DCAKD: variants seen among roughly 807,000 people sequenced by gnomAD.
DCAKD encodes dephospho-CoA kinase domain containing, also known as dephospho-CoA kinase domain-containing protein.
DCAKD carries 15 observed loss-of-function variants against 18.7 expected under a neutral mutation model. That is an observed-to-expected ratio of 0.80 (90% CI 0.54 to 1.24). DCAKD has a LOEUF of 1.24. Among genes scored for constraint, DCAKD ranks in the 50% most tolerant of loss-of-function variants. The pLI is 0.00. For missense variants in DCAKD, 301 were observed against 322.0 expected (o/e 0.93, Z 0.50); for synonymous variants, 130 against 133.0 (o/e 0.98, Z 0.16).
At chr17:45,048,030 T>C (rs1291557655) in intron 1 of DCAKD, among the ~76,000 whole-genome samples, 1 of 152,136 alleles carries the variant, frequency 6.6e-6, no homozygotes, top group East Asian at 1.9e-4. Context: ...TTAAAAAAGT[T>C]TTAATTTTGT....
At chr17:45,057,569 G>A (rs1204319686) in intron 1 of DCAKD, among the ~76,000 whole-genome samples, 1 of 151,632 alleles carries the variant, frequency 6.6e-6, no homozygotes, top group Admixed American at 6.6e-5. Context: ...TGGGCATGGC[G>A]GTGTGTGCCT....
intron 1 of DCAKD, among the ~76,000 whole-genome samples, chr17:45,044,408 G>A (rs2053515176): frequency 6.6e-6 from 1 of 152,204 alleles, no homozygotes; most frequent in African/African-American, 2.4e-5. Context: ...GCTGTGGCAA[G>A]CGGATGGGTG....
chr17:45,034,470 G>A, intron 2 of DCAKD, 80 bp from the exon 3 acceptor site: 1 of 1,509,730 alleles, frequency 6.6e-7, no homozygotes, highest in Non-Finnish European at 9.1e-7. Flanking sequence ...GGGGCAAAAT[G>A]ATGGGGGAAC....
At chr17:45,031,535 C>A in intron 3 of DCAKD, 1 of 985,270 alleles carries the variant, frequency 1.0e-6, no homozygotes, top group Non-Finnish European at 1.2e-6. Flanking sequence ...TCGCTAGGTG[C>A]CCCAAAATGA....
At chr17:45,054,420 A>C (rs916239380), upstream of DCAKD, among the ~76,000 whole-genome samples, 1 of 151,636 alleles carries the variant, frequency 6.6e-6, no homozygotes, top group African/African-American at 2.4e-5. Context: ...GCTAATTTTT[A>C]CATTTTTAGT....
intron 1 of DCAKD, among the ~76,000 whole-genome samples, chr17:45,057,146 C>T (rs762388947): frequency 2.2e-4 from 33 of 152,032 alleles, no homozygotes; most frequent in Non-Finnish European, 4.3e-4. Context: ...TGGGTTCCAG[C>T]GATCCTCCCA....
At chr17:45,052,570 T>C (rs2053729284), upstream of DCAKD, among the ~76,000 whole-genome samples, 2 of 151,870 alleles carry the variant, frequency 1.3e-5, no homozygotes, top group African/African-American at 4.8e-5. Context: ...GCAGCGTTGT[T>C]GAAAGAATAC....
chr17:45,047,502 CTCT>C (rs1567848564), intron 1 of DCAKD, among the ~76,000 whole-genome samples: 1 of 135,594 alleles, frequency 7.4e-6, no homozygotes, highest in African/African-American at 2.6e-5. Flanking sequence ...CCTGGCTAGT[CTCT>C]TTTTTTTTTT....
intron 1 of DCAKD, among the ~76,000 whole-genome samples, chr17:45,042,489 C>T (rs1243273260): frequency 2.6e-5 from 4 of 152,198 alleles, no homozygotes; most frequent in Admixed American, 2.0e-4. Flanking sequence ...CTCCCCTTGC[C>T]GCCTCTCAGG....
intron 1 of DCAKD, among the ~76,000 whole-genome samples, chr17:45,040,516 A>C (rs1164226425): frequency 1.3e-5 from 2 of 152,152 alleles, no homozygotes; most frequent in East Asian, 1.9e-4. Context: ...CGGAAGGACA[A>C]CACCAAGTCC....
rs367880387 is a variant in DCAKD at position 45,038,837 on chromosome 17, GGCCTTGACAAATAACA to G, written c.-114-3854_-114-3839del. The stretch of plus-strand genomic sequence containing the variant: ...AGGCTCCGGGTCCCCAACTTAAAAG[GGCCTTGACAAATAACA>G]GCTGTTCCTGTCCAACAAGCCCCTC... On this transcript the variant is annotated intron_variant, in intron 1 of 4. Coordinates refer to ENST00000651974, the MANE Select transcript of DCAKD (RefSeq NM_001288655.2). Among the ~76,000 whole-genome samples, 842 of 152,220 alleles carry G rather than the reference GGCCTTGACAAATAACA, an allele frequency of 5.5e-3. 15 individuals carry two copies. The highest frequency in any genetic ancestry group is 0.019 in the African/African-American group (800 of 41,520).
intron 1 of DCAKD, among the ~76,000 whole-genome samples, chr17:45,047,107 T>C (rs2143351537): frequency 6.8e-6 from 1 of 147,426 alleles, no homozygotes; most frequent in East Asian, 1.9e-4. Context: ...TCAGAAGGTG[T>C]TCAAAGAACT....
chr17:45,028,299 A>G (rs1350902091), intron 4 of DCAKD, among the ~76,000 whole-genome samples: 15 of 150,562 alleles, frequency 1.0e-4, no homozygotes, highest in South Asian at 2.1e-4. Flanking sequence ...TTTAGTAGAG[A>G]CAGGGTTTAA....
chr17:45,024,184 G>T lies in DCAKD; in HGVS notation c.*249C>A, dbSNP rs148991028. 2.4e-3 allele frequency: 1,184 copies of T among 499,634 alleles called. 9 individuals carry two copies. Among genetic ancestry groups the T allele is most frequent in the African/African-American group, 0.017 (878 of 52,964 alleles). 31.0% of individuals were successfully genotyped at this position (499,634 alleles called of 1,614,324 possible). On this transcript the variant is annotated 3_prime_UTR_variant, in exon 5 of 5. Transcript: ENST00000651974. ...GTTGCTGTTCTGTAGGTGCTGCTCA[G>T]GGAAGGTGGGAAGGACAGCAGGCTA...
chr17:45,059,429 AG>A (rs2080831457), intron 1 of DCAKD, among the ~76,000 whole-genome samples: 1 of 152,176 alleles, frequency 6.6e-6, no homozygotes, highest in African/African-American at 2.4e-5. Flanking sequence ...GGTAAGAATT[AG>A]TCCTCTCATC....
upstream of DCAKD, among the ~76,000 whole-genome samples, chr17:45,053,175 A>C (rs1412844397): frequency 6.6e-5 from 7 of 106,826 alleles, no homozygotes; most frequent in Non-Finnish European, 1.2e-4. Flanking sequence ...CAGTTAAAAA[A>C]AAAAAAAAAA....
At chr17:45,032,676 G>A (rs1478259763) in intron 3 of DCAKD, among the ~76,000 whole-genome samples, 1 of 152,000 alleles carries the variant, frequency 6.6e-6, no homozygotes, top group Non-Finnish European at 1.5e-5. Flanking sequence ...CCAGCTACTC[G>A]GGAGGCTGAG....
chr17:45,047,427 C>T (rs1029452521), intron 1 of DCAKD, among the ~76,000 whole-genome samples: 5 of 151,658 alleles, frequency 3.3e-5, no homozygotes, highest in African/African-American at 1.2e-4. Flanking sequence ...GGACTACAGG[C>T]ATGCACCAAC....
At position 45,034,285 on chromosome 17, in the gene DCAKD, A is replaced by G; in HGVS notation, c.218T>C (p.Ile73Thr). The change falls in exon 3 of 5, where the codon ATC becomes ACC. Residue 73 changes from isoleucine to threonine, a missense_variant. Ile to Thr is a moderately conservative substitution (Grantham distance 89). Transcript: ENST00000651974. ...DINRKVLGDL[I>T]FNQPDRRQLL... ...CTGCCGCCGGTCAGGCTGGTTAAAG[A>G]TCAGGTCCCCCAGGACCTTGCGATT... 8 of 1,614,116 alleles carry G rather than the reference A, an allele frequency of 5.0e-6. No homozygotes were observed. The highest frequency in any genetic ancestry group is 6.8e-6 in the Non-Finnish European group (8 of 1,180,014).
Sources: gnomAD v4.1 joint callset for allele counts (sites outside exome capture counted in the v4.1 genomes callset) on GRCh38, gnomAD v4.1.1 for gene constraint, MANE v1.5 for transcripts, NCBI Gene and HGNC (gene_info 2026-07-23, HGNC 2026-07-21) for gene names.